Variants in LRRC4C observed in about 807,000 individuals in gnomAD.
LRRC4C encodes the protein leucine-rich repeat-containing protein 4C.
LRRC4C carries 5 observed loss-of-function variants against 33.6 expected under a neutral mutation model. The observed-to-expected ratio is 0.15, with a 90% CI of 0.08 to 0.31. The LOEUF is 0.31. Among genes scored for constraint, LRRC4C ranks in the 10% least tolerant of loss-of-function variants. The pLI, the probability that LRRC4C is intolerant of heterozygous loss-of-function variation, is 1.00. For missense variants in LRRC4C, 560 were observed against 796.7 expected, an observed-to-expected ratio of 0.70 and a Z score of 3.58; for synonymous variants, 329 against 302.0, an observed-to-expected ratio of 1.09 and a Z score of -0.93.
chr11:40,383,264 T>C (rs919884576), intron 3 of LRRC4C, among the ~76,000 whole-genome samples: 4 of 152,200 alleles, frequency 2.6e-5, no homozygotes, highest in Non-Finnish European at 4.4e-5. Context: ...CATTCATGGA[T>C]GGACACTTAG....
intron 1 of LRRC4C, among the ~76,000 whole-genome samples, chr11:40,938,991 A>G (rs1671027197): frequency 6.6e-6 from 1 of 152,134 alleles, no homozygotes; most frequent in Non-Finnish European, 1.5e-5. Flanking sequence ...TTAAAATAGT[A>G]TTATATAATT....
intron 1 of LRRC4C, among the ~76,000 whole-genome samples, chr11:41,349,367 C>A (rs910313837): frequency 6.6e-6 from 1 of 152,082 alleles, no homozygotes; most frequent in African/African-American, 2.4e-5. Context: ...CTTTTGCCAT[C>A]ACCAACATTT....
intron 3 of LRRC4C, among the ~76,000 whole-genome samples, chr11:40,428,485 T>A (rs1950798052): frequency 6.6e-6 from 1 of 152,190 alleles, no homozygotes; most frequent in South Asian, 2.1e-4. Flanking sequence ...GATGGTAAGA[T>A]TTCCCATCTA....
chr11:40,665,325 AATAT>A (rs1160594156), intron 2 of LRRC4C, among the ~76,000 whole-genome samples: 69 of 13,416 alleles, frequency 5.1e-3, no homozygotes, highest in South Asian at 0.011. Context: ...AAAAAAAAAA[AATAT>A]ATATATATAT....
At chr11:40,323,261 A>T (rs1945940434) in intron 3 of LRRC4C, among the ~76,000 whole-genome samples, 1 of 152,236 alleles carries the variant, frequency 6.6e-6, no homozygotes, top group African/African-American at 2.4e-5. Context: ...AATGTGAAGG[A>T]ATGTCCATTT....
At chr11:41,001,078 T>G (rs1012181322) in intron 1 of LRRC4C, among the ~76,000 whole-genome samples, 2 of 152,172 alleles carry the variant, frequency 1.3e-5, no homozygotes, top group Non-Finnish European at 2.9e-5. Flanking sequence ...TTTACAGTAG[T>G]TGGTATAATA....
chr11:40,766,431 T>C (rs895276777), intron 2 of LRRC4C, among the ~76,000 whole-genome samples: 3 of 122,326 alleles, frequency 2.5e-5, no homozygotes, highest in Non-Finnish European at 5.2e-5. Context: ...TCACTGGTAA[T>C]AGAAAGTACA....
At chr11:40,687,663 CTT>C (rs1945026644) in intron 2 of LRRC4C, among the ~76,000 whole-genome samples, 1 of 152,088 alleles carries the variant, frequency 6.6e-6, no homozygotes, top group Non-Finnish European at 1.5e-5. Flanking sequence ...AAATGCTAAA[CTT>C]TGTCTTTCTT....
At chr11:41,130,650 A>G (rs1024658415) in intron 1 of LRRC4C, among the ~76,000 whole-genome samples, 1 of 152,052 alleles carries the variant, frequency 6.6e-6, no homozygotes, top group Admixed American at 6.6e-5. Context: ...TGATTCAAGA[A>G]AAAAATGCAT....
chr11:40,919,009 T>A (rs536027417), intron 2 of LRRC4C, among the ~76,000 whole-genome samples: 1 of 151,628 alleles, frequency 6.6e-6, no homozygotes, highest in African/African-American at 2.4e-5. Flanking sequence ...TGTCCTAAAT[T>A]AAAAAAAAAT....
At chr11:40,852,903 T>C (rs1953583119) in intron 2 of LRRC4C, among the ~76,000 whole-genome samples, 1 of 152,224 alleles carries the variant, frequency 6.6e-6, no homozygotes, top group African/African-American at 2.4e-5. Flanking sequence ...CTATTTTGGA[T>C]AGCTCAAAGA....
chr11:40,153,598 CAAT>C (rs1317202436), intron 5 of LRRC4C, among the ~76,000 whole-genome samples: 1 of 138,532 alleles, frequency 7.2e-6, no homozygotes, highest in Non-Finnish European at 1.6e-5. Context: ...AAAAAAAAAA[CAAT>C]AAAAAATTCA....
intron 1 of LRRC4C, among the ~76,000 whole-genome samples, chr11:41,423,335 G>A (rs1193408327): frequency 2.0e-5 from 3 of 151,924 alleles, no homozygotes; most frequent in East Asian, 1.9e-4. Flanking sequence ...TGTACATCAC[G>A]CTAGAAAACT....
chr11:41,363,186 A>G (rs1952416962), intron 1 of LRRC4C, among the ~76,000 whole-genome samples: 1 of 152,154 alleles, frequency 6.6e-6, no homozygotes, highest in Non-Finnish European at 1.5e-5. Flanking sequence ...CTAAGATAAT[A>G]TTGGGCATTT....
At chr11:40,197,496 T>C (rs1862357956) in intron 5 of LRRC4C, among the ~76,000 whole-genome samples, 1 of 152,234 alleles carries the variant, frequency 6.6e-6, no homozygotes, top group Non-Finnish European at 1.5e-5. Flanking sequence ...GTTGAGGGCC[T>C]TACAGCTCAG....
intron 1 of LRRC4C, among the ~76,000 whole-genome samples, chr11:40,949,336 G>A (rs1958581436): frequency 6.6e-6 from 1 of 152,052 alleles, no homozygotes; most frequent in Admixed American, 6.6e-5. Flanking sequence ...CACTCTGATG[G>A]TAGTTTCTTT....
At chr11:40,649,975 G>C (rs1334921703) in intron 2 of LRRC4C, among the ~76,000 whole-genome samples, 1 of 152,208 alleles carries the variant, frequency 6.6e-6, no homozygotes, top group African/African-American at 2.4e-5. Flanking sequence ...GTTTTAGTCA[G>C]ATGATGGGGA....
intron 4 of LRRC4C, among the ~76,000 whole-genome samples, chr11:40,261,290 G>A (rs1038954961): frequency 1.3e-5 from 2 of 152,116 alleles, no homozygotes; most frequent in African/African-American, 4.8e-5. Flanking sequence ...AATAAATACT[G>A]AATGTTATTG....
Position 40,933,739 on chromosome 11 carries a change from G to A in LRRC4C, c.-495-16C>T, listed in dbSNP as rs1271010368. 6.6e-6 allele frequency: 1 copy of A among 152,144 alleles called. No individual in the cohort carries two copies. Among genetic ancestry groups the A allele is most frequent in the Non-Finnish European group, 1.5e-5 (1 of 68,036 alleles). 9.4% of individuals were successfully genotyped at this position (152,144 alleles called of 1,614,324 possible). ...AGAACCATTTCTAGAAAAGACATAC[G>A]ATTAAAACATGGCATTACATTTAAG... is the stretch of plus-strand genomic sequence containing the variant. On this transcript the variant is annotated splice_polypyrimidine_tract_variant and intron_variant, in intron 1 of 6. Transcript: ENST00000528697.
Sources: gnomAD v4.1 joint callset for allele counts (sites outside exome capture counted in the v4.1 genomes callset) on GRCh38, gnomAD v4.1.1 for gene constraint, MANE v1.5 for transcripts, NCBI Gene and HGNC (gene_info 2026-07-23, HGNC 2026-07-21) for gene names.